Variants in STK3 observed in about 807,000 individuals in gnomAD.
STK3 encodes the protein serine/threonine kinase 3, also known as serine/threonine-protein kinase 3.
In STK3, 41 loss-of-function variants were observed where a neutral mutation model predicts 58.0. The ratio of observed to expected loss-of-function variants is 0.71; its 90% CI spans 0.55 to 0.92. The LOEUF is 0.92. Ranked by LOEUF, STK3 falls within the 40% of genes least tolerant of loss-of-function variation. The pLI is 0.00. For missense variants in STK3, 479 were observed against 602.7 expected (o/e 0.79, Z 2.15); for synonymous variants, 170 against 191.0 (o/e 0.89, Z 0.91).
chr8:98,359,533 A>AAG, the STK3 span, among the ~76,000 whole-genome samples: 43 of 142,390 alleles, frequency 3.0e-4, no homozygotes, highest in East Asian at 8.3e-4. Flanking sequence ...AAAAAAAAAA[A>AAG]AAAGAAAGAA....
At chr8:98,577,024 T>C (rs530576613) in intron 8 of STK3, among the ~76,000 whole-genome samples, 47 of 152,230 alleles carry the variant, frequency 3.1e-4, no homozygotes, top group Non-Finnish European at 6.3e-4. Context: ...TAAGCAAAAA[T>C]GTCATAATGC....
At chr8:98,581,811 T>C (rs1024252403) in intron 7 of STK3, among the ~76,000 whole-genome samples, 1 of 152,020 alleles carries the variant, frequency 6.6e-6, no homozygotes, top group African/African-American at 2.4e-5. Flanking sequence ...TAGCAGTCTA[T>C]TGCCTTCTTT....
chr8:98,792,333 A>G (rs982834635), intron 1 of STK3, among the ~76,000 whole-genome samples: 2 of 152,204 alleles, frequency 1.3e-5, no homozygotes, highest in Non-Finnish European at 2.9e-5. Context: ...AACAGGGAAC[A>G]CTTCTGCACT....
chr8:98,590,104 C>T (rs929246385), intron 7 of STK3, among the ~76,000 whole-genome samples: 2 of 152,178 alleles, frequency 1.3e-5, no homozygotes, highest in Admixed American at 6.5e-5. Context: ...TGTTCCTATT[C>T]GGCCATCTTG....
chr8:98,390,436 C>G (rs1175257625), upstream of STK3, among the ~76,000 whole-genome samples: 1 of 152,084 alleles, frequency 6.6e-6, no homozygotes, highest in East Asian at 1.9e-4. Flanking sequence ...TTGTTTTTCT[C>G]TAATTATTTT....
intron 1 of STK3, among the ~76,000 whole-genome samples, chr8:98,804,763 T>C (rs1258133291): frequency 1.3e-5 from 2 of 152,252 alleles, no homozygotes; most frequent in African/African-American, 4.8e-5. Flanking sequence ...TAGCTTCTTT[T>C]ATGCTTCCTA....
At chr8:98,740,092 T>C (rs908808527) in intron 4 of STK3, among the ~76,000 whole-genome samples, 7 of 152,196 alleles carry the variant, frequency 4.6e-5, no homozygotes, top group Admixed American at 2.0e-4. Flanking sequence ...TATGGGACTA[T>C]GTGAAAAGAC....
chr8:98,440,498 A>G (rs1818650307), intron 1 of STK3, among the ~76,000 whole-genome samples: 2 of 152,170 alleles, frequency 1.3e-5, no homozygotes, highest in Admixed American at 1.3e-4. Context: ...CCAGTAAACA[A>G]TAGTTCCTCA....
chr8:98,803,987 A>G (rs1833752150), intron 1 of STK3, among the ~76,000 whole-genome samples: 1 of 152,040 alleles, frequency 6.6e-6, no homozygotes, highest in Non-Finnish European at 1.5e-5. Flanking sequence ...CATTGTGCTG[A>G]CACTTAACAA....
At chr8:98,823,207 G>A (rs1835021730) in intron 1 of STK3, among the ~76,000 whole-genome samples, 1 of 152,064 alleles carries the variant, frequency 6.6e-6, no homozygotes, top group South Asian at 2.1e-4. Flanking sequence ...TAATGAAAGA[G>A]TAAGACCTAC....
chr8:98,912,906 T>G (rs911201350), intron 1 of STK3, among the ~76,000 whole-genome samples: 6 of 152,086 alleles, frequency 3.9e-5, no homozygotes, highest in Non-Finnish European at 8.8e-5. Context: ...GTCTCACTGG[T>G]TGTGGTTTAT....
Position 98,585,438 on chromosome 8 carries a change from C to G in STK3, c.823-5649G>C, listed in dbSNP as rs572928715. The stretch of plus-strand genomic sequence containing the variant: ...CGGCATTATTTCTAAGGGCTCTGTT[C>G]TGTTCCATTGATCTATATCTCTGTT... On this transcript the variant is annotated intron_variant, in intron 7 of 10. Coordinates refer to ENST00000419617, the MANE Select transcript of STK3 (RefSeq NM_006281.4). Among the ~76,000 whole-genome samples, 10 of 151,696 alleles carry G rather than the reference C, an allele frequency of 6.6e-5. No individual in the cohort carries two copies. The East Asian group carries it at 1.7e-3, about 26-fold the overall frequency.
intron 6 of STK3, among the ~76,000 whole-genome samples, chr8:98,620,565 C>T (rs530371721): frequency 8.3e-5 from 12 of 143,978 alleles, no homozygotes; most frequent in African/African-American, 2.5e-4. Context: ...TACACTAAAC[C>T]GAATAAAAAT....
intron 8 of STK3, among the ~76,000 whole-genome samples, chr8:98,550,777 T>C (rs1484015536): frequency 6.6e-6 from 1 of 152,142 alleles, no homozygotes; most frequent in Admixed American, 6.6e-5. Context: ...ATAGGATCCT[T>C]GTCTCCAAAG....
the STK3 span, among the ~76,000 whole-genome samples, chr8:98,358,041 A>AG: frequency 1.3e-5 from 2 of 152,108 alleles, 1 homozygote; most frequent in South Asian, 4.2e-4. Flanking sequence ...TCAACAAGCG[A>AG]GGGGATGGGG....
intron 4 of STK3, among the ~76,000 whole-genome samples, chr8:98,719,430 C>T (rs928498219): frequency 6.6e-6 from 1 of 152,176 alleles, no homozygotes; most frequent in Non-Finnish European, 1.5e-5. Flanking sequence ...CACTGCTCTA[C>T]TAAAGAATGT....
intron 3 of STK3, among the ~76,000 whole-genome samples, chr8:98,406,533 G>A (rs1311648013): frequency 6.6e-6 from 1 of 152,102 alleles, no homozygotes; most frequent in Non-Finnish European, 1.5e-5. Context: ...AGCTAGCACA[G>A]TACCTGCCCA....
In STK3 at chr8:98,893,417, GGAAGGAAAGAAAGAAAGAAAGAAA is replaced by G. The variant is rs1372645890; in HGVS notation, c.-78-9607_-78-9584del. Among the ~76,000 whole-genome samples the G allele has an allele frequency of 2.0e-3, 165 of 84,062 alleles. 1 individual carries two copies. The highest frequency in any genetic ancestry group is 5.5e-3 in the African/African-American group (110 of 20,172). 55.1% of individuals were successfully genotyped at this position (84,062 alleles called of 152,430 possible). On this transcript the variant is annotated intron_variant, in intron 1 of 1. Coordinates refer to the STK3 transcript ENST00000519420. Reference sequence around the variant, plus strand: ...GAGAAAGAAAGAAAGAAGGAAGGAAGGAAGGAAAGAAAGAAAGAAAGAAAGAAAGAAAGAAAGAAAGAAAGAAAG... The same window carrying G: ...GAGAAAGAAAGAAAGAAGGAAGGAAGGAAAGAAAGAAAGAAAGAAAGAAAG...
chr8:98,765,097 C>A (rs1314640406), intron 3 of STK3, among the ~76,000 whole-genome samples: 2 of 152,198 alleles, frequency 1.3e-5, no homozygotes. Context: ...GAGACCCTGA[C>A]TTTCCTAGAC....
Sources: allele counts gnomAD v4.1 joint callset (sites outside exome capture counted in the v4.1 genomes callset), GRCh38; gene constraint gnomAD v4.1.1; transcripts MANE v1.5; gene names NCBI Gene and HGNC (gene_info 2026-07-23, HGNC 2026-07-21).